The following MTHFD1L variants were observed in gnomAD, a reference collection of about 807,000 sequenced individuals.
MTHFD1L encodes monofunctional C1-tetrahydrofolate synthase, mitochondrial.
MTHFD1L carries 81 observed loss-of-function variants against 119.5 expected under a neutral mutation model. That is an observed-to-expected ratio of 0.68 (90% CI 0.57 to 0.82). MTHFD1L has a LOEUF of 0.82. Among genes scored for constraint, MTHFD1L ranks in the 40% least tolerant of loss-of-function variants. MTHFD1L has a pLI of 0.00. For missense variants in MTHFD1L, 1,125 were observed against 1,253.4 expected (o/e 0.90, Z 1.55); for synonymous variants, 430 against 475.2 (o/e 0.90, Z 1.24).
At chr6:151,079,589 A>G (rs761635349) in intron 26 of MTHFD1L, among the ~76,000 whole-genome samples, 14 of 151,968 alleles carry the variant, frequency 9.2e-5, no homozygotes, top group Non-Finnish European at 1.8e-4. Context: ...CCCCGGATTC[A>G]AGCAATTCTC....
intron 7 of MTHFD1L, among the ~76,000 whole-genome samples, chr6:150,893,534 T>C (rs764707575): frequency 1.3e-5 from 2 of 152,206 alleles, no homozygotes; most frequent in Non-Finnish European, 2.9e-5. Flanking sequence ...TTGACGGGCA[T>C]TTCTGTTGTG....
At chr6:151,079,115 CAAG>C (rs1336068804) in intron 26 of MTHFD1L, among the ~76,000 whole-genome samples, 1 of 152,154 alleles carries the variant, frequency 6.6e-6, no homozygotes, top group Non-Finnish European at 1.5e-5. Context: ...CCAGCAGAAA[CAAG>C]CTGCAGAAGA....
intron 7 of MTHFD1L, among the ~76,000 whole-genome samples, chr6:150,899,432 G>A (rs1411720921): frequency 6.6e-6 from 1 of 152,232 alleles, no homozygotes; most frequent in Non-Finnish European, 1.5e-5. Flanking sequence ...TGGACGTGAA[G>A]TGGGTAAAAT....
intron 18 of MTHFD1L, among the ~76,000 whole-genome samples, chr6:150,963,338 T>G (rs111228549): frequency 9.0e-6 from 1 of 110,788 alleles, no homozygotes; most frequent in Non-Finnish European, 1.8e-5. Context: ...TTAGTAATAG[T>G]GTATTCCTGA....
At chr6:150,925,502 G>A (rs1016785103) in intron 10 of MTHFD1L, among the ~76,000 whole-genome samples, 4 of 152,152 alleles carry the variant, frequency 2.6e-5, no homozygotes, top group African/African-American at 9.7e-5. Context: ...ACAATTTCCT[G>A]TCTGAACTTG....
At chr6:150,873,306 T>G (rs191606036) in intron 1 of MTHFD1L, among the ~76,000 whole-genome samples, 95 of 152,104 alleles carry the variant, frequency 6.2e-4, no homozygotes, top group Admixed American at 2.3e-3. Flanking sequence ...AAAGTGAGAC[T>G]CCGTCTCAAA....
At chr6:151,006,765 C>T (rs991158851) in intron 20 of MTHFD1L, among the ~76,000 whole-genome samples, 1 of 152,098 alleles carries the variant, frequency 6.6e-6, no homozygotes, top group Non-Finnish European at 1.5e-5. Context: ...GTCTCAAACA[C>T]ATGGTCCGTA....
intron 11 of MTHFD1L, among the ~76,000 whole-genome samples, chr6:150,935,976 C>G (rs549077912): frequency 4.5e-4 from 68 of 152,232 alleles, no homozygotes; most frequent in African/African-American, 1.6e-3. Flanking sequence ...TCTTCAATAC[C>G]TAATACTGTG....
intron 9 of MTHFD1L, among the ~76,000 whole-genome samples, chr6:150,918,954 T>G (rs1451045949): frequency 6.6e-6 from 1 of 152,086 alleles, no homozygotes; most frequent in African/African-American, 2.4e-5. Context: ...AAGGCATTTA[T>G]TATCTCACAG....
chr6:151,069,542 T>C (rs559682177), intron 26 of MTHFD1L, among the ~76,000 whole-genome samples: 13 of 152,328 alleles, frequency 8.5e-5, no homozygotes, highest in African/African-American at 3.1e-4. Flanking sequence ...CTGCTAGATA[T>C]ACAACTTTGA....
In MTHFD1L at chr6:150,884,577, A is replaced by G. The variant is rs1029837783; in HGVS notation, c.543-1057A>G. Among the ~76,000 whole-genome samples, 12 of 152,306 alleles carry G rather than the reference A, an allele frequency of 7.9e-5. No individual in the cohort carries two copies. In the East Asian group the frequency reaches 2.3e-3, roughly 29 times the overall value. On this transcript the variant is annotated intron_variant, in intron 5 of 27. Transcript: ENST00000367321. The stretch of plus-strand genomic sequence containing the variant: ...TTTCAGAACTTGAAGGTCCTAGGGC[A>G]TAGTTTCAAGTCTTTCATAAAAGGA...
chr6:151,083,177 T>G (rs544734262), intron 26 of MTHFD1L, among the ~76,000 whole-genome samples: 14 of 150,900 alleles, frequency 9.3e-5, no homozygotes, highest in Non-Finnish European at 2.1e-4. Context: ...GTTCTCCAAA[T>G]ACGAAGAATG....
chr6:151,079,054 G>A (rs1792856620), intron 26 of MTHFD1L, among the ~76,000 whole-genome samples: 1 of 152,078 alleles, frequency 6.6e-6, no homozygotes, highest in Non-Finnish European at 1.5e-5. Context: ...CCAGTGTGGT[G>A]GTATGTGATT....
At chr6:150,935,998 A>G (rs1036250632) in intron 11 of MTHFD1L, among the ~76,000 whole-genome samples, 1 of 152,224 alleles carries the variant, frequency 6.6e-6, no homozygotes, top group Non-Finnish European at 1.5e-5. Context: ...TGTTATGAAC[A>G]TGGGAACATT....
At chr6:151,047,536 C>T (rs1214428636) in intron 26 of MTHFD1L, among the ~76,000 whole-genome samples, 1 of 152,192 alleles carries the variant, frequency 6.6e-6, no homozygotes, top group Non-Finnish European at 1.5e-5. Context: ...GCTGGGGTTT[C>T]TGCATTAAGT....
At chr6:150,875,274 C>A (rs964693087) in intron 1 of MTHFD1L, among the ~76,000 whole-genome samples, 4 of 152,020 alleles carry the variant, frequency 2.6e-5, no homozygotes, top group African/African-American at 9.7e-5. Flanking sequence ...GTCTCAAACT[C>A]CTGGTCTCAA....
rs188167288 is a variant in MTHFD1L at position 150,943,429 on chromosome 6, G to A, written c.1441-1057G>A. The stretch of plus-strand genomic sequence containing the variant: ...GAGGATCACTTGAGTCCAGGAATCT[G>A]AGACCAACCTGTGCAACATAGTGAG... On this transcript the variant is annotated intron_variant, in intron 13 of 27. Coordinates refer to ENST00000367321, the MANE Select transcript of MTHFD1L (RefSeq NM_015440.5). Among the ~76,000 whole-genome samples, 32 of 151,820 alleles carry A rather than the reference G, an allele frequency of 2.1e-4. No individual in the cohort carries two copies. In the East Asian group the frequency reaches 6.2e-3, roughly 29 times the overall value.
chr6:151,015,386 A>T (rs1782901293), intron 23 of MTHFD1L, 130 bp from the exon 24 acceptor site: 10 of 1,043,620 alleles, frequency 9.6e-6, no homozygotes, highest in Non-Finnish European at 1.4e-5. Context: ...TTTAAACACG[A>T]TGTGACCACT....
At chr6:150,975,049 C>T (rs1015804788) in intron 20 of MTHFD1L, among the ~76,000 whole-genome samples, 6 of 152,186 alleles carry the variant, frequency 3.9e-5, no homozygotes, top group African/African-American at 1.4e-4. Flanking sequence ...GAATTCTCTT[C>T]CTTTTTAAGG....
Sources: allele counts gnomAD v4.1 joint callset (sites outside exome capture counted in the v4.1 genomes callset), GRCh38; gene constraint gnomAD v4.1.1; transcripts MANE v1.5; gene names NCBI Gene and HGNC (gene_info 2026-07-23, HGNC 2026-07-21).